Variants in ADGRB3 observed in about 807,000 individuals in gnomAD.
ADGRB3 encodes the protein adhesion G protein-coupled receptor B3.
Under a neutral mutation model 193.4 loss-of-function variants are expected in ADGRB3, and 37 were observed. That is an observed-to-expected ratio of 0.19 (90% CI 0.15 to 0.25). The LOEUF is 0.25. ADGRB3 is among the 10% of genes least tolerant of loss of function. The probability of loss-of-function intolerance (pLI) is 1.00; values close to 1 mark genes in which losing one functional copy is unlikely to be tolerated. For missense variants in ADGRB3, 1,637 were observed against 1,852.9 expected (o/e 0.88, Z 2.14); for synonymous variants, 690 against 644.2 (o/e 1.07, Z -1.08).
intron 17 of ADGRB3, among the ~76,000 whole-genome samples, chr6:69,189,463 G>T (rs1411935772): frequency 6.6e-6 from 1 of 152,198 alleles, no homozygotes; most frequent in Non-Finnish European, 1.5e-5. Flanking sequence ...CCCGGCATGA[G>T]AAGATGGGTA....
At chr6:69,086,154 A>G (rs1772544542) in intron 17 of ADGRB3, among the ~76,000 whole-genome samples, 1 of 152,170 alleles carries the variant, frequency 6.6e-6, no homozygotes, top group Non-Finnish European at 1.5e-5. Context: ...AAAACTAAAG[A>G]TGGCATTTAA....
At chr6:68,756,190 G>A (rs934694125) in intron 3 of ADGRB3, among the ~76,000 whole-genome samples, 3 of 152,008 alleles carry the variant, frequency 2.0e-5, no homozygotes, top group South Asian at 2.1e-4. Flanking sequence ...CCCAGGAGAC[G>A]GCTGTATATA....
chr6:69,386,073 G>A (rs570612407), intron 31 of ADGRB3, among the ~76,000 whole-genome samples: 303 of 152,166 alleles, frequency 2.0e-3, no homozygotes, highest in South Asian at 7.3e-3. Context: ...AGTGGCTTGG[G>A]ATGCTAAAGA....
intron 20 of ADGRB3, among the ~76,000 whole-genome samples, chr6:69,293,117 GGGGACAAAA>G (rs1335949438): frequency 6.6e-6 from 1 of 152,160 alleles, no homozygotes; most frequent in Non-Finnish European, 1.5e-5. Flanking sequence ...CAGGGGGCAA[GGGGACAAAA>G]GAAAGCCCAT....
intron 10 of ADGRB3, among the ~76,000 whole-genome samples, chr6:68,987,760 C>T (rs1036795821): frequency 2.0e-5 from 3 of 152,046 alleles, no homozygotes; most frequent in African/African-American, 7.2e-5. Context: ...TATGGCACCT[C>T]CAAGGATTGT....
intron 17 of ADGRB3, among the ~76,000 whole-genome samples, chr6:69,103,359 T>C (rs939925009): frequency 4.6e-5 from 7 of 152,128 alleles, no homozygotes; most frequent in African/African-American, 9.6e-5. Context: ...AAAGTAGACA[T>C]CAAAAAAACT....
At chr6:68,970,538 C>T (rs9446079) in intron 8 of ADGRB3, among the ~76,000 whole-genome samples, 100,683 of 151,914 alleles carry the variant, frequency 0.66, 33,570 homozygotes, top group Middle Eastern at 0.79. Flanking sequence ...GAACTCCTGA[C>T]CTCATGATCT....
intron 26 of ADGRB3, among the ~76,000 whole-genome samples, chr6:69,346,457 A>T (rs1283473): frequency 0.6 from 90,526 of 152,076 alleles, 28,381 homozygotes; most frequent in African/African-American, 0.78. Context: ...AATCTATCCA[A>T]CTGACAGAGG....
intron 3 of ADGRB3, among the ~76,000 whole-genome samples, chr6:68,681,516 G>T (rs548453970): frequency 1.3e-5 from 2 of 152,182 alleles, no homozygotes; most frequent in Admixed American, 1.3e-4. Flanking sequence ...CCGGCCTCAA[G>T]AAGTCCTTTC....
intron 3 of ADGRB3, among the ~76,000 whole-genome samples, chr6:68,669,303 T>G (rs895444570): frequency 6.6e-6 from 1 of 151,882 alleles, no homozygotes; most frequent in African/African-American, 2.4e-5. Context: ...TGTGCTATTT[T>G]ATAGCACAAC....
intron 20 of ADGRB3, among the ~76,000 whole-genome samples, chr6:69,266,974 T>C (rs1484176837): frequency 6.6e-6 from 1 of 152,042 alleles, no homozygotes; most frequent in Non-Finnish European, 1.5e-5. Flanking sequence ...TGCAGAAGTA[T>C]TTTTTGTATA....
chr6:69,295,614 A>AGAGT, intron 20 of ADGRB3, among the ~76,000 whole-genome samples: 1 of 152,168 alleles, frequency 6.6e-6, no homozygotes, highest in South Asian at 2.1e-4. Context: ...GAGGAAGGAG[A>AGAGT]GAGTGAGAGG....
chr6:68,714,427 A>G (rs1377811270), intron 3 of ADGRB3, among the ~76,000 whole-genome samples: 1 of 151,772 alleles, frequency 6.6e-6, no homozygotes, highest in Non-Finnish European at 1.5e-5. Flanking sequence ...TGCACTAACC[A>G]CAGCTAGGCT....
chr6:69,280,861 A>G (rs1767420018), intron 20 of ADGRB3, among the ~76,000 whole-genome samples: 1 of 152,118 alleles, frequency 6.6e-6, no homozygotes, highest in African/African-American at 2.4e-5. Context: ...AAATATATAT[A>G]TATATGTAAG....
At chr6:68,861,367 A>C (rs1289110235) in intron 3 of ADGRB3, among the ~76,000 whole-genome samples, 1 of 151,978 alleles carries the variant, frequency 6.6e-6, no homozygotes, top group Non-Finnish European at 1.5e-5. Context: ...AGGTCAGGAG[A>C]CTGAGACCAC....
chr6:69,012,221 T>C (rs1243298646), intron 11 of ADGRB3, among the ~76,000 whole-genome samples: 2 of 152,022 alleles, frequency 1.3e-5, no homozygotes, highest in South Asian at 2.1e-4. Flanking sequence ...TTGTTTTGTT[T>C]TGTTTTGTTT....
chr6:69,313,147 A>G (rs117869905), intron 20 of ADGRB3, among the ~76,000 whole-genome samples: 1 of 151,874 alleles, frequency 6.6e-6, no homozygotes, highest in Non-Finnish European at 1.5e-5. Flanking sequence ...CTGGATGCAC[A>G]TTAGAATCAC....
chr6:68,992,259 T>C (rs1415251281), intron 10 of ADGRB3, among the ~76,000 whole-genome samples: 1 of 152,120 alleles, frequency 6.6e-6, no homozygotes, highest in African/African-American at 2.4e-5. Flanking sequence ...AGAATATCTA[T>C]TGTGAAAATC....
chr6:68,732,850 T>C (rs1403915237), intron 3 of ADGRB3, among the ~76,000 whole-genome samples: 1 of 151,956 alleles, frequency 6.6e-6, no homozygotes, highest in Non-Finnish European at 1.5e-5. Context: ...TTCATAGTTC[T>C]CAAACTTTGA....
Sources: gnomAD v4.1 joint callset for allele counts (sites outside exome capture counted in the v4.1 genomes callset) on GRCh38, gnomAD v4.1.1 for gene constraint, MANE v1.5 for transcripts, NCBI Gene and HGNC (gene_info 2026-07-23, HGNC 2026-07-21) for gene names.